Variants in RABGAP1L observed in about 807,000 individuals in gnomAD.
RABGAP1L encodes the protein RAB GTPase activating protein 1 like, also known as rab GTPase-activating protein 1-like.
Under a neutral mutation model 137.7 loss-of-function variants are expected in RABGAP1L, and 63 were observed. That is an observed-to-expected ratio of 0.46 (90% CI 0.37 to 0.56). RABGAP1L has a LOEUF of 0.56. Among genes scored for constraint, RABGAP1L ranks in the 20% least tolerant of loss-of-function variants. The pLI, the probability that RABGAP1L is intolerant of heterozygous loss-of-function variation, is 0.00. For synonymous variants in RABGAP1L, 431 were observed against 433.7 expected, an observed-to-expected ratio of 0.99 and a Z score of 0.08; for missense variants, 1,095 against 1,244.0, an observed-to-expected ratio of 0.88 and a Z score of 1.80.
rs570099390 is a variant in RABGAP1L, at chr1:174,416,035, T to TAC, written c.1710+21898_1710+21899dup. Among the ~76,000 whole-genome samples the TAC allele has an allele frequency of 9.1e-4, 76 of 83,796 alleles. 7 individuals carry two copies. The highest frequency in any genetic ancestry group is 4.9e-3 in the African/African-American group (70 of 14,260). 55.0% of individuals were successfully genotyped at this position (83,796 alleles called of 152,430 possible). On this transcript the variant is annotated intron_variant, in intron 13 of 25. Transcript: ENST00000681986. ...GAAAATTTACATATATATATATATA[T>TAC]ACACACACATTTTTTTTTTCCTGTT...
intron 1 of RABGAP1L, among the ~76,000 whole-genome samples, chr1:174,179,091 C>T (rs546007077): frequency 2.0e-5 from 3 of 151,958 alleles, no homozygotes; most frequent in Non-Finnish European, 4.4e-5. Flanking sequence ...TTTTATTTTT[C>T]AAGAGACAGG....
At chr1:174,951,870 T>G (rs1317720554) in intron 19 of RABGAP1L, among the ~76,000 whole-genome samples, 4 of 152,214 alleles carry the variant, frequency 2.6e-5, no homozygotes, top group Non-Finnish European at 5.9e-5. Context: ...ACACTGGTAG[T>G]GCCCAGGGTC....
rs189239129 is a variant in RABGAP1L at position 174,459,830 on chromosome 1, A to T, written c.1710+65685A>T. Among the ~76,000 whole-genome samples, 4 of 152,252 alleles carry T rather than the reference A, an allele frequency of 2.6e-5. No homozygotes were observed. The East Asian group carries it at 7.7e-4, about 29-fold the overall frequency. Reference sequence around the variant, plus strand: ...GATAGTAGAGCCATCATTAGAACCCATATAGTCAGAGTGAATACCTTAATA... The same window carrying T: ...GATAGTAGAGCCATCATTAGAACCCTTATAGTCAGAGTGAATACCTTAATA... On this transcript the variant is annotated intron_variant, in intron 13 of 25. Transcript: ENST00000681986.
intron 18 of RABGAP1L, among the ~76,000 whole-genome samples, chr1:174,789,453 T>C (rs1687690441): frequency 6.9e-6 from 1 of 144,538 alleles, no homozygotes; most frequent in Non-Finnish European, 1.6e-5. Context: ...ACTGCTACGA[T>C]TTTTTTTTAC....
chr1:174,287,228 A>G (rs1357158457), intron 10 of RABGAP1L, among the ~76,000 whole-genome samples: 3 of 152,140 alleles, frequency 2.0e-5, no homozygotes, highest in South Asian at 2.1e-4. Context: ...ATGTATTACT[A>G]TTTACAATAG....
intron 19 of RABGAP1L, among the ~76,000 whole-genome samples, chr1:174,859,742 G>A (rs866443535): frequency 6.6e-6 from 1 of 151,892 alleles, no homozygotes; most frequent in Non-Finnish European, 1.5e-5. Context: ...TGGATACTAA[G>A]CTTAATACCT....
At chr1:174,569,298 T>C (rs1667811074) in intron 13 of RABGAP1L, among the ~76,000 whole-genome samples, 1 of 152,178 alleles carries the variant, frequency 6.6e-6, no homozygotes, top group Non-Finnish European at 1.5e-5. Context: ...GAGAGTTGGC[T>C]TGTACCATCT....
chr1:174,349,309 C>A, intron 11 of RABGAP1L, among the ~76,000 whole-genome samples: 1 of 126,126 alleles, frequency 7.9e-6, no homozygotes, highest in South Asian at 2.6e-4. Flanking sequence ...GGCGGCCGGG[C>A]AGAGGCGCCC....
chr1:174,766,040 A>G (rs907305327), intron 18 of RABGAP1L, among the ~76,000 whole-genome samples: 5 of 152,210 alleles, frequency 3.3e-5, no homozygotes, highest in Non-Finnish European at 7.3e-5. Context: ...AAATGAGCTC[A>G]TTAGGGTGGG....
chr1:174,546,373 A>G (rs1666011069), intron 13 of RABGAP1L, among the ~76,000 whole-genome samples: 1 of 152,218 alleles, frequency 6.6e-6, no homozygotes, highest in African/African-American at 2.4e-5. Context: ...GTATAAATAT[A>G]TTGAGATAGT....
At chr1:174,929,234 G>A (rs1442208727) in intron 19 of RABGAP1L, among the ~76,000 whole-genome samples, 2 of 152,038 alleles carry the variant, frequency 1.3e-5, no homozygotes, top group African/African-American at 4.8e-5. Context: ...AAAGAAGATT[G>A]GCTGTTTATT....
chr1:174,387,058 A>G (rs1184163884), intron 12 of RABGAP1L, among the ~76,000 whole-genome samples: 7 of 152,220 alleles, frequency 4.6e-5, no homozygotes, highest in Non-Finnish European at 2.9e-5. Flanking sequence ...ATGAGGCATC[A>G]TCTTAGACTC....
chr1:174,976,225 T>C, intron 22 of RABGAP1L, 43 bp downstream of exon 22: 1 of 1,428,400 alleles, frequency 7.0e-7, no homozygotes, highest in Non-Finnish European at 9.6e-7. Flanking sequence ...AAAGGTATGT[T>C]GGTAGGGAAT....
intron 13 of RABGAP1L, among the ~76,000 whole-genome samples, chr1:174,568,880 T>C (rs192055761): frequency 6.6e-6 from 1 of 152,188 alleles, no homozygotes. Flanking sequence ...ATACAATTTT[T>C]AACAGTTAGA....
chr1:174,267,710 T>A (rs1038665611), intron 7 of RABGAP1L, among the ~76,000 whole-genome samples: 3 of 152,368 alleles, frequency 2.0e-5, no homozygotes, highest in Admixed American at 6.5e-5. Context: ...TAAGTTTTTT[T>A]AAATAATTAA....
intron 13 of RABGAP1L, among the ~76,000 whole-genome samples, chr1:174,427,979 C>T (rs903995316): frequency 3.3e-5 from 5 of 152,126 alleles, no homozygotes; most frequent in African/African-American, 9.7e-5. Flanking sequence ...TAAATTATTT[C>T]GGGTCCCTGC....
intron 14 of RABGAP1L, among the ~76,000 whole-genome samples, chr1:174,677,360 TAAC>T (rs1677717994): frequency 6.6e-6 from 1 of 152,178 alleles, no homozygotes; most frequent in Non-Finnish European, 1.5e-5. Flanking sequence ...AAACCATTGA[TAAC>T]AACTCAAGGA....
chr1:174,546,262 CA>C (rs1214775118), intron 13 of RABGAP1L, among the ~76,000 whole-genome samples: 3 of 152,058 alleles, frequency 2.0e-5, no homozygotes, highest in Non-Finnish European at 2.9e-5. Context: ...ATACTATAAC[CA>C]AGTGGGTGAG....
At chr1:174,892,156 T>C (rs897593087) in intron 19 of RABGAP1L, among the ~76,000 whole-genome samples, 3 of 152,198 alleles carry the variant, frequency 2.0e-5, no homozygotes, top group Non-Finnish European at 4.4e-5. Context: ...GCGTGGTGGC[T>C]CTGGCCAGCT....
Sources: allele counts gnomAD v4.1 joint callset (sites outside exome capture counted in the v4.1 genomes callset), GRCh38; gene constraint gnomAD v4.1.1; transcripts MANE v1.5; gene names NCBI Gene and HGNC (gene_info 2026-07-23, HGNC 2026-07-21).